HEPH: variants seen among roughly 807,000 people sequenced by gnomAD.
HEPH encodes hephaestin.
A neutral mutation model predicts 80.8 loss-of-function variants in HEPH; 69 were observed. The observed-to-expected ratio is 0.85, with a 90% confidence interval of 0.70 to 1.04. HEPH has a LOEUF of 1.04. Ranked by LOEUF, HEPH falls within the 50% of genes least tolerant of loss-of-function variation. HEPH has a pLI of 0.00. For synonymous variants in HEPH, 431 were observed against 322.8 expected, an observed-to-expected ratio of 1.34 and a Z score of -3.60; for missense variants, 1,115 against 891.3, an observed-to-expected ratio of 1.25 and a Z score of -3.20.
At chrX:66,216,790 G>T (rs1403562387) in intron 15 of HEPH, among the ~76,000 whole-genome samples, 2 of 111,508 alleles carry the variant, frequency 1.8e-5, no homozygotes, top group Non-Finnish European at 3.8e-5. Context: ...ACCAGAGAAA[G>T]GTGAATAACA....
Position 66,266,620 on chromosome X carries a change from A to G in HEPH, c.3425A>G (p.Asn1142Ser), listed in dbSNP as rs2091548765. 1.7e-6 allele frequency: 2 copies of G among 1,207,098 alleles called. No homozygotes were observed. Among genetic ancestry groups the G allele is most frequent in the African/African-American group, 3.5e-5 (2 of 56,580 alleles). Residue 1142 changes from asparagine (N) to serine (S), a missense_variant, in exon 21 of 21, where the codon AAT (asparagine) becomes AGT (serine). By Grantham distance (46) the Asn-to-Ser change is conservative (BLOSUM62 1). Coordinates refer to ENST00000343002, the MANE Select transcript of HEPH (RefSeq NM_001367233.3). ...YQHRQRKLRR[N>S]RRSILDDSFK... ...CATCGACAGAGAAAGCTACGACGCA[A>G]TAGGAGGTCCATCCTGGATGACAGC...
chrX:66,164,297 C>G lies in HEPH; in HGVS notation c.-187C>G, dbSNP rs1461732100. 1 of 752,787 alleles carries G rather than the reference C, an allele frequency of 1.3e-6. No homozygotes were observed. The highest frequency in any genetic ancestry group is 2.3e-5 in the African/African-American group (1 of 43,696). The allele number at this position is 752,787 out of a possible 1,213,427, so 62.0% of individuals were successfully genotyped here. ...AGAGGGCACCCAGCCCTTCCCCCTC[C>G]CTCATCCTCCCATCCCAGTAAACCC... On this transcript the variant is annotated 5_prime_UTR_variant, in exon 1 of 21. Transcript: ENST00000343002.
At chrX:66,214,158 T>C (rs1247170201) in intron 15 of HEPH, among the ~76,000 whole-genome samples, 2 of 111,890 alleles carry the variant, frequency 1.8e-5, no homozygotes, top group African/African-American at 6.5e-5. Flanking sequence ...ATGTAGATGA[T>C]ATTTAAAGTG....
intron 15 of HEPH, among the ~76,000 whole-genome samples, chrX:66,227,133 A>G (rs2089926189): frequency 8.9e-6 from 1 of 112,201 alleles, no homozygotes; most frequent in Non-Finnish European, 1.9e-5. Flanking sequence ...TTAACACCCA[A>G]CAGTAAATAA....
At chrX:66,179,658 T>A (rs2086998007) in intron 4 of HEPH, among the ~76,000 whole-genome samples, 1 of 111,505 alleles carries the variant, frequency 9.0e-6, no homozygotes, top group Non-Finnish European at 1.9e-5. Flanking sequence ...GTCAGTGGAG[T>A]ATTGAAGTCT....
intron 17 of HEPH, 101 bp from the exon 18 acceptor site, chrX:66,258,739 G>A: frequency 7.9e-6 from 5 of 636,379 alleles, no homozygotes; most frequent in Non-Finnish European, 1.1e-5. Flanking sequence ...GCTATCTTCG[G>A]TAAAAAAGAT....
chrX:66,200,422 T>C, intron 11 of HEPH, 118 bp from the exon 12 acceptor site: 1 of 524,178 alleles, frequency 1.9e-6, no homozygotes, highest in Non-Finnish European at 3.2e-6. Context: ...GTGTTGAGGA[T>C]GACTCAGCAG....
At chrX:66,248,271 T>C (rs1356257700) in intron 15 of HEPH, among the ~76,000 whole-genome samples, 1 of 112,127 alleles carries the variant, frequency 8.9e-6, no homozygotes, top group East Asian at 2.8e-4. Flanking sequence ...CTTCCAGAAA[T>C]AAACCATTTT....
At chrX:66,217,598 C>A (rs2147911090) in intron 15 of HEPH, among the ~76,000 whole-genome samples, 1 of 111,490 alleles carries the variant, frequency 9.0e-6, no homozygotes, top group Non-Finnish European at 1.9e-5. Flanking sequence ...GCATAAACCT[C>A]ACAGGACCTA....
At chrX:66,199,163 G>T (rs1477768397) in intron 11 of HEPH, 135 bp downstream of exon 11, 9 of 594,961 alleles carry the variant, frequency 1.5e-5, no homozygotes, top group Middle Eastern at 3.5e-4. Flanking sequence ...AGATTGAGAG[G>T]CTCAACCGAA....
chrX:66,170,505 C>T lies in HEPH; in HGVS notation c.-13-53C>T, dbSNP rs767012010. On this transcript the variant is annotated intron_variant, in intron 1 of 20. Transcript: ENST00000343002. ...TTCAGTTTTCTGGACACGTAGAAAG[C>T]CCCTTTGTTCTCTTTCTTCTACACC... 6.7e-4 allele frequency: 717 copies of T among 1,068,125 alleles called. 2 individuals carry two copies. In the African/African-American group the frequency reaches 0.011, roughly 16 times the overall value. The allele number at this position is 1,068,125 out of a possible 1,213,427, so 88.0% of individuals were successfully genotyped here. A position where few individuals can be genotyped will look rare whatever the true frequency, so the allele number is the denominator to read the frequency against.
intron 15 of HEPH, among the ~76,000 whole-genome samples, chrX:66,254,270 G>C (rs958516793): frequency 9.0e-6 from 1 of 110,896 alleles, no homozygotes; most frequent in African/African-American, 3.3e-5. Flanking sequence ...GAAGAGGATG[G>C]TTCTAAAATA....
chrX:66,192,090 A>G (rs780508147), intron 6 of HEPH, 40 bp from the exon 7 acceptor site: 7 of 1,161,856 alleles, frequency 6.0e-6, no homozygotes, highest in African/African-American at 1.8e-5. Flanking sequence ...TTAAAATCCT[A>G]TTGGATAGAA....
At chrX:66,166,711 A>T (rs764159527) in intron 1 of HEPH, among the ~76,000 whole-genome samples, 1 of 112,182 alleles carries the variant, frequency 8.9e-6, no homozygotes, top group East Asian at 2.8e-4. Flanking sequence ...GATATAGAGT[A>T]AAACAGTACT....
intron 2 of HEPH, 125 bp from the exon 3 acceptor site, chrX:66,172,230 T>C: frequency 1.7e-6 from 1 of 593,159 alleles, no homozygotes; most frequent in Non-Finnish European, 2.5e-6. Flanking sequence ...ATCAGTACAA[T>C]GCCATTTCCT....
intron 4 of HEPH, among the ~76,000 whole-genome samples, chrX:66,177,275 G>T (rs2086852330): frequency 8.9e-6 from 1 of 111,865 alleles, no homozygotes; most frequent in Admixed American, 9.5e-5. Flanking sequence ...TCTCTCTCTT[G>T]TGAAATAGTG....
At chrX:66,178,691 G>T (rs1258704459) in intron 4 of HEPH, among the ~76,000 whole-genome samples, 1 of 112,165 alleles carries the variant, frequency 8.9e-6, no homozygotes, top group Non-Finnish European at 1.9e-5. Flanking sequence ...TTCTCTGATG[G>T]CCAGTGATGA....
At position 66,170,870 on chromosome X, in the gene HEPH, C is replaced by T. The variant is rs977694547; in HGVS notation, c.167+133C>T. 7 of 505,043 alleles carry T rather than the reference C, an allele frequency of 1.4e-5. No individual in the cohort carries two copies. The African/African-American group carries it at 1.7e-4, about 12-fold the overall frequency. The allele number at this position is 505,043 out of a possible 1,213,427, so 41.6% of individuals were successfully genotyped here. A position where few individuals can be genotyped will look rare whatever the true frequency, so the allele number is the denominator to read the frequency against. ...CTGATTGCTCCGAGCTGTACATACT[C>T]AGTGGCAGATTTCCTGGGAAGAAGG... On this transcript the variant is annotated intron_variant, in intron 2 of 20. Transcript: ENST00000343002.
chrX:66,196,790 A>G (rs1026599309), intron 9 of HEPH, among the ~76,000 whole-genome samples: 2 of 111,585 alleles, frequency 1.8e-5, no homozygotes, highest in Admixed American at 1.9e-4. Flanking sequence ...TTTGATTTAC[A>G]TTTGTTTGAT....
Sources: allele counts gnomAD v4.1 joint callset (sites outside exome capture counted in the v4.1 genomes callset), GRCh38; gene constraint gnomAD v4.1.1; transcripts MANE v1.5; gene names NCBI Gene and HGNC (gene_info 2026-07-23, HGNC 2026-07-21).